The following EDA variants were observed in gnomAD, a reference collection of about 807,000 sequenced individuals.
The protein encoded by EDA is ectodysplasin-A.
A neutral mutation model predicts 23.6 loss-of-function variants in EDA; 2 were observed. That is an observed-to-expected ratio of 0.08 (90% confidence interval 0.03 to 0.27). The LOEUF (loss-of-function observed/expected upper bound fraction) is 0.27. EDA is among the 10% of genes least tolerant of loss of function. The pLI is 1.00. For synonymous variants in EDA, 131 were observed against 132.0 expected (o/e 0.99, Z 0.05); for missense variants, 229 against 324.2 (o/e 0.71, Z 2.26).
At chrX:69,715,064 A>AT (rs60745776) in intron 1 of EDA, among the ~76,000 whole-genome samples, 6,407 of 80,014 alleles carry the variant, frequency 0.08, 221 homozygotes, top group Middle Eastern at 0.11. Context: ...CTTTCAACCC[A>AT]TTTTTTTTTT....
intron 1 of EDA, among the ~76,000 whole-genome samples, chrX:69,927,702 G>T (rs1260879345): frequency 9.0e-6 from 1 of 110,933 alleles, no homozygotes; most frequent in Non-Finnish European, 1.9e-5. Flanking sequence ...GGCCTGTCTT[G>T]CTAGGTTGGG....
At chrX:69,795,192 C>A (rs1342072340) in intron 1 of EDA, among the ~76,000 whole-genome samples, 1 of 109,971 alleles carries the variant, frequency 9.1e-6, no homozygotes, top group Non-Finnish European at 1.9e-5. Flanking sequence ...CCACACCCAG[C>A]TAATTTTATT....
chrX:69,683,454 T>C (rs1183164819), intron 1 of EDA, among the ~76,000 whole-genome samples: 1 of 111,962 alleles, frequency 8.9e-6, no homozygotes, highest in African/African-American at 3.2e-5. Context: ...ACAAGGCTTA[T>C]TATGAATGCC....
intron 1 of EDA, among the ~76,000 whole-genome samples, chrX:69,888,449 T>C (rs1199119279): frequency 1.9e-5 from 2 of 107,476 alleles, no homozygotes; most frequent in African/African-American, 6.8e-5. Context: ...TACCTATCAA[T>C]AATTACCTTG....
chrX:69,674,181 A>G (rs971318948), intron 1 of EDA, among the ~76,000 whole-genome samples: 1 of 110,554 alleles, frequency 9.0e-6, no homozygotes, highest in African/African-American at 3.3e-5. Context: ...TTTGGGGTAT[A>G]CTTTTCTCTG....
chrX:69,970,509 T>G (rs2019233348), intron 2 of EDA, among the ~76,000 whole-genome samples: 1 of 111,769 alleles, frequency 8.9e-6, no homozygotes, highest in Non-Finnish European at 1.9e-5. Context: ...CTCTTAGCTA[T>G]TTCGTAGTTG....
At chrX:69,996,860 C>G (rs373398468) in intron 2 of EDA, among the ~76,000 whole-genome samples, 272 of 112,347 alleles carry the variant, frequency 2.4e-3, no homozygotes, top group African/African-American at 8.1e-3. Context: ...TTGATAAGGG[C>G]AAACATGTTT....
At position 69,616,114 on chromosome X, in the gene EDA, C is replaced by T; in HGVS notation, c.-195C>T. 1 of 419,892 alleles carries T rather than the reference C, an allele frequency of 2.4e-6. No individual in the cohort carries two copies. Among genetic ancestry groups the T allele is most frequent in the Non-Finnish European group, 4.0e-6 (1 of 247,997 alleles). The allele number at this position is 419,892 out of a possible 1,213,427, so 34.6% of individuals were successfully genotyped here. A position where few individuals can be genotyped will look rare whatever the true frequency, so the allele number is the denominator to read the frequency against. ...CCCCTCTCTCCCGCCCCTCCTCCTCCCTTTCCCACCCCTCGGAGTAGAGCT... is the reference window on the plus strand; with the variant it reads ...CCCCTCTCTCCCGCCCCTCCTCCTCTCTTTCCCACCCCTCGGAGTAGAGCT... On this transcript the variant is annotated 5_prime_UTR_variant, in exon 1 of 8. Coordinates refer to ENST00000374552, the MANE Select transcript of EDA (RefSeq NM_001399.5).
At chrX:69,937,403 G>T in intron 1 of EDA, 1 of 701,618 alleles carries the variant, frequency 1.4e-6, no homozygotes, top group Non-Finnish European at 2.3e-6. Context: ...ATCCATCTTT[G>T]AGATGTTTGC....
intron 1 of EDA, among the ~76,000 whole-genome samples, chrX:69,665,287 C>T (rs1365404409): frequency 8.9e-6 from 1 of 111,737 alleles, no homozygotes; most frequent in Non-Finnish European, 1.9e-5. Context: ...TGATTGTTTC[C>T]TTTTCTGTGC....
At chrX:69,682,599 C>G (rs1934407788) in intron 1 of EDA, among the ~76,000 whole-genome samples, 1 of 112,066 alleles carries the variant, frequency 8.9e-6, no homozygotes, top group South Asian at 3.7e-4. Flanking sequence ...TGCCGTCTGT[C>G]ACTCCTTTCT....
intron 2 of EDA, among the ~76,000 whole-genome samples, chrX:69,975,237 G>A (rs942346819): frequency 8.9e-6 from 1 of 111,903 alleles, no homozygotes; most frequent in African/African-American, 3.2e-5. Context: ...ATGGCAGATT[G>A]GATAAAGAAA....
intron 1 of EDA, among the ~76,000 whole-genome samples, chrX:69,919,098 A>G (rs1021970262): frequency 8.9e-6 from 1 of 111,871 alleles, no homozygotes; most frequent in Non-Finnish European, 1.9e-5. Flanking sequence ...GAAAAGATAT[A>G]GATTAATTGG....
At chrX:69,825,512 G>T (rs1302195747) in intron 1 of EDA, among the ~76,000 whole-genome samples, 1 of 111,656 alleles carries the variant, frequency 9.0e-6, no homozygotes, top group Non-Finnish European at 1.9e-5. Context: ...TTCTCTGATG[G>T]TAGTTTGTAT....
At chrX:69,659,789 C>T (rs1054384744) in intron 1 of EDA, among the ~76,000 whole-genome samples, 1 of 111,530 alleles carries the variant, frequency 9.0e-6, no homozygotes, top group Non-Finnish European at 1.9e-5. Context: ...AATGATCTGA[C>T]TTTGTTCCCA....
chrX:69,767,593 T>A (rs1307709473), intron 1 of EDA, among the ~76,000 whole-genome samples: 2 of 112,097 alleles, frequency 1.8e-5, no homozygotes, highest in African/African-American at 6.5e-5. Context: ...TATAGATATG[T>A]GACAATTCAT....
At chrX:69,673,221 T>C (rs988325598) in intron 1 of EDA, among the ~76,000 whole-genome samples, 1 of 111,144 alleles carries the variant, frequency 9.0e-6, no homozygotes, top group Admixed American at 9.6e-5. Flanking sequence ...GGGAAGGAAG[T>C]GAAGAAAATT....
chrX:69,895,536 A>G (rs1009437682), intron 1 of EDA, among the ~76,000 whole-genome samples: 1 of 111,179 alleles, frequency 9.0e-6, no homozygotes, highest in South Asian at 3.8e-4. Flanking sequence ...TAAACACTTT[A>G]ACACCATCCT....
intron 1 of EDA, among the ~76,000 whole-genome samples, chrX:69,667,729 A>G (rs1933735084): frequency 8.9e-6 from 1 of 112,214 alleles, no homozygotes; most frequent in Non-Finnish European, 1.9e-5. Context: ...CTATAACTGA[A>G]TACCACAGAC....
Sources: gnomAD v4.1 joint callset for allele counts (sites outside exome capture counted in the v4.1 genomes callset) on GRCh38, gnomAD v4.1.1 for gene constraint, MANE v1.5 for transcripts, NCBI Gene and HGNC (gene_info 2026-07-23, HGNC 2026-07-21) for gene names.